Variants in PLAT observed in about 807,000 individuals in gnomAD.
The protein encoded by PLAT is tissue-type plasminogen activator.
Under a neutral mutation model 74.9 loss-of-function variants are expected in PLAT, and 48 were observed. The observed-to-expected ratio is 0.64, with a 90% CI of 0.51 to 0.82. The LOEUF (loss-of-function observed/expected upper bound fraction) is 0.82, where lower values mean the gene tolerates loss of function less well. Ranked by LOEUF, PLAT falls within the 40% of genes least tolerant of loss-of-function variation. PLAT has a pLI of 0.00. For synonymous variants in PLAT, 307 were observed against 294.4 expected (o/e 1.04, Z -0.44); for missense variants, 673 against 736.2 (o/e 0.91, Z 0.99).
In PLAT at chr8:42,201,853, A is replaced by G. The variant is rs1190443245; in HGVS notation, c.-27+5641T>C. On this transcript the variant is annotated intron_variant, in intron 1 of 13. Coordinates refer to ENST00000220809, the MANE Select transcript of PLAT (RefSeq NM_000930.5). Reference sequence around the variant, plus strand: ...TCAGAGGCATCATGTGAGAGAAATAAGGAAATTGGAGCTTCCCAGAAAAAA... The same window carrying G: ...TCAGAGGCATCATGTGAGAGAAATAGGGAAATTGGAGCTTCCCAGAAAAAA... 3.3e-5 allele frequency among the ~76,000 whole-genome samples: 5 copies of G among 152,346 alleles called. No homozygotes were observed. The East Asian group carries it at 9.6e-4, about 29-fold the overall frequency.
chr8:42,183,710 T>TA lies in PLAT; in HGVS notation c.632-821dup, dbSNP rs574770743. Among the ~76,000 whole-genome samples the TA allele has an allele frequency of 1.2e-4, 19 of 152,086 alleles. No individual in the cohort carries two copies. The East Asian group carries it at 3.1e-3, about 25-fold the overall frequency. ...AACTGACAAAGCATACCTCTATACA[T>TA]AAATACCATAAATGGAAGGGATTTT... On this transcript the variant is annotated intron_variant, in intron 7 of 13. Transcript: ENST00000220809.
intron 2 of PLAT, among the ~76,000 whole-genome samples, chr8:42,192,541 A>T (rs1805726908): frequency 6.6e-6 from 1 of 152,206 alleles, no homozygotes; most frequent in Admixed American, 6.5e-5. Flanking sequence ...TTTCCAAAAA[A>T]TATATAAATA....
At chr8:42,200,440 C>A (rs1652574424) in intron 1 of PLAT, among the ~76,000 whole-genome samples, 1 of 151,902 alleles carries the variant, frequency 6.6e-6, no homozygotes, top group Non-Finnish European at 1.5e-5. Context: ...TTTGGGAGGC[C>A]AAGGAGGGTG....
At chr8:42,181,175 G>T (rs1311391646) in intron 9 of PLAT, among the ~76,000 whole-genome samples, 1 of 152,226 alleles carries the variant, frequency 6.6e-6, no homozygotes, top group Non-Finnish European at 1.5e-5. Flanking sequence ...TAATGCCCTT[G>T]GGTGTGAGTT....
chr8:42,189,142 A>G (rs1805595353), intron 3 of PLAT, 71 bp from the exon 4 acceptor site: 1 of 1,515,092 alleles, frequency 6.6e-7, no homozygotes, highest in Non-Finnish European at 9.1e-7. Flanking sequence ...CCTTGCACCT[A>G]CTGAGAAAAC....
chr8:42,177,670 T>C (rs1272830055), intron 13 of PLAT, among the ~76,000 whole-genome samples: 3 of 152,256 alleles, frequency 2.0e-5, no homozygotes. Context: ...TGTTCTTATA[T>C]TGAATTAAAA....
Position 42,188,990 on chromosome 8 carries a change from A to T in PLAT, c.197T>A (p.Val66Glu). ...WLRPVLRSNR[V>E]EYCWCNSGRA... ...GCCACTGTTGCACCAGCAATATTCC[A>T]CCCGGTTGCTTCTGAGCACAGGGCG... is the stretch of plus-strand genomic sequence containing the variant. The change falls in exon 4 of 14, where the codon GTG becomes GAG. Residue 66 changes from valine (V) to glutamate (E), a missense_variant. By Grantham distance (121) the Val-to-Glu change is moderately radical (BLOSUM62 -2). Coordinates refer to ENST00000220809, the MANE Select transcript of PLAT (RefSeq NM_000930.5). The T allele has an allele frequency of 6.2e-7, 1 of 1,613,654 alleles. No homozygotes were observed. Among genetic ancestry groups the T allele is most frequent in the Non-Finnish European group, 8.5e-7 (1 of 1,179,862 alleles).
chr8:42,178,932 C>T lies in PLAT; in HGVS notation c.1495G>A (p.Gly499Ser), dbSNP rs555186256. The change falls in exon 13 of 14, where the codon GGC (glycine) becomes AGC (serine). Residue 499 changes from glycine (G) to serine (S), a missense_variant. Coordinates refer to ENST00000220809, the MANE Select transcript of PLAT (RefSeq NM_000930.5). ...NMLCAGDTRS[G>S]GPQANLHDAC... ...TCGTGCAAGTTTGCCTGGGGCCCGCCGCTCCGAGTGTCTCCAGCACACAGC... is the reference window on the plus strand; with the variant it reads ...TCGTGCAAGTTTGCCTGGGGCCCGCTGCTCCGAGTGTCTCCAGCACACAGC... 43 of 1,613,768 alleles carry T rather than the reference C, an allele frequency of 2.7e-5. No individual in the cohort carries two copies. Among genetic ancestry groups the T allele is most frequent in the South Asian group, 9.9e-5 (9 of 91,068 alleles).
At chr8:42,198,359 G>A (rs1805998364) in intron 1 of PLAT, among the ~76,000 whole-genome samples, 1 of 152,166 alleles carries the variant, frequency 6.6e-6, no homozygotes, top group Non-Finnish European at 1.5e-5. Context: ...GGGCATGGTG[G>A]CGGGCGCCTA....
chr8:42,193,022 C>T, intron 2 of PLAT, 92 bp downstream of exon 2: 2 of 877,560 alleles, frequency 2.3e-6, no homozygotes, highest in Non-Finnish European at 3.8e-6. Context: ...GACAGCATTC[C>T]AACCTCCGTG....
At chr8:42,182,968 G>A in intron 7 of PLAT, 78 bp from the exon 8 acceptor site, 4 of 1,221,194 alleles carry the variant, frequency 3.3e-6, no homozygotes, top group South Asian at 1.4e-5. Flanking sequence ...TTGAAGCGGA[G>A]CTGCCGGTCG....
chr8:42,193,404 A>G (rs1805761935), intron 1 of PLAT, among the ~76,000 whole-genome samples, 193 bp from the exon 2 acceptor site: 1 of 152,144 alleles, frequency 6.6e-6, no homozygotes, highest in Non-Finnish European at 1.5e-5. Context: ...TATATAACAC[A>G]AAATTTACCA....
At chr8:42,203,367 T>C (rs1260008714) in intron 1 of PLAT, among the ~76,000 whole-genome samples, 1 of 152,210 alleles carries the variant, frequency 6.6e-6, no homozygotes, top group African/African-American at 2.4e-5. Context: ...TCTTGGCCAT[T>C]GGTGTGTGCA....
chr8:42,202,946 A>C (rs908821629), intron 1 of PLAT, among the ~76,000 whole-genome samples: 1 of 152,158 alleles, frequency 6.6e-6, no homozygotes, highest in African/African-American at 2.4e-5. Flanking sequence ...GGCCACAGCA[A>C]GCACAGAGCC....
chr8:42,180,801 A>G, intron 9 of PLAT, 116 bp from the exon 10 acceptor site: 1 of 699,772 alleles, frequency 1.4e-6, no homozygotes, highest in Non-Finnish European at 2.4e-6. Flanking sequence ...TGGTGGGATC[A>G]GCATGCCGAA....
chr8:42,193,946 C>T (rs531005058), intron 1 of PLAT, among the ~76,000 whole-genome samples: 255 of 151,718 alleles, frequency 1.7e-3, no homozygotes, highest in African/African-American at 6.0e-3. Context: ...GATCTCCTGA[C>T]CTCGTGATCC....
intron 2 of PLAT, 125 bp downstream of exon 2, chr8:42,192,989 G>T (rs1364108705): frequency 3.0e-6 from 2 of 676,946 alleles, no homozygotes; most frequent in Admixed American, 4.4e-5. Flanking sequence ...CCAGCCCCTC[G>T]TCCCTGTGCC....
intron 3 of PLAT, among the ~76,000 whole-genome samples, chr8:42,191,099 C>A (rs941472706): frequency 1.3e-5 from 2 of 152,124 alleles, no homozygotes; most frequent in South Asian, 2.1e-4. Context: ...CCGCCCCCCC[C>A]AGCCCCCGCT....
intron 2 of PLAT, 112 bp from the exon 3 acceptor site, chr8:42,191,526 G>C (rs913124954): frequency 2.2e-6 from 2 of 894,260 alleles, no homozygotes; most frequent in Admixed American, 1.9e-5. Flanking sequence ...CCTCTGCTCA[G>C]AGACCCCCTC....
Sources: allele counts gnomAD v4.1 joint callset (sites outside exome capture counted in the v4.1 genomes callset), GRCh38; gene constraint gnomAD v4.1.1; transcripts MANE v1.5; gene names NCBI Gene and HGNC (gene_info 2026-07-23, HGNC 2026-07-21).